MAP4K3: variants seen among roughly 807,000 people sequenced by gnomAD.
The protein encoded by MAP4K3 is MAPK/ERK kinase kinase kinase 3.
Under a neutral mutation model 143.5 loss-of-function variants are expected in MAP4K3, and 94 were observed. The observed-to-expected ratio is 0.65, with a 90% CI of 0.55 to 0.78. MAP4K3 has a LOEUF of 0.78. MAP4K3 is among the 30% of genes least tolerant of loss of function. The pLI is 0.00. For synonymous variants in MAP4K3, 416 were observed against 347.2 expected (o/e 1.20, Z -2.20); for missense variants, 1,077 against 1,068.1 (o/e 1.01, Z -0.12).
At chr2:39,373,459 T>A (rs1227818506) in intron 2 of MAP4K3, among the ~76,000 whole-genome samples, 1 of 151,918 alleles carries the variant, frequency 6.6e-6, no homozygotes, top group Non-Finnish European at 1.5e-5. Context: ...AGAAAGGAAA[T>A]GAGTATATCA....
chr2:39,342,057 T>C (rs1411995835), intron 4 of MAP4K3, among the ~76,000 whole-genome samples: 2 of 151,856 alleles, frequency 1.3e-5, no homozygotes, highest in African/African-American at 4.8e-5. Context: ...CACACCTTCA[T>C]GTTACTGTGC....
chr2:39,294,782 G>T (rs1164760782), intron 16 of MAP4K3, among the ~76,000 whole-genome samples: 1 of 152,086 alleles, frequency 6.6e-6, no homozygotes, highest in Non-Finnish European at 1.5e-5. Flanking sequence ...ATTACTATTG[G>T]CTAAATAACA....
At chr2:39,288,377 C>A in intron 19 of MAP4K3, 97 bp from the exon 20 acceptor site, 3 of 1,077,794 alleles carry the variant, frequency 2.8e-6, no homozygotes, top group Non-Finnish European at 4.1e-6. Flanking sequence ...ATTATTTCTA[C>A]TATACATTAG....
At chr2:39,314,700 T>C (rs1683055623) in intron 13 of MAP4K3, among the ~76,000 whole-genome samples, 2 of 152,218 alleles carry the variant, frequency 1.3e-5, no homozygotes, top group East Asian at 1.9e-4. Context: ...GTTGACAGTA[T>C]TGGATCCCAT....
At chr2:39,376,121 A>G (rs1258210241) in intron 2 of MAP4K3, among the ~76,000 whole-genome samples, 4 of 152,228 alleles carry the variant, frequency 2.6e-5, no homozygotes, top group Admixed American at 1.3e-4. Context: ...ACTTTAAGGA[A>G]GTGACAAACT....
At chr2:39,404,613 C>CT (rs1667042933) in intron 1 of MAP4K3, among the ~76,000 whole-genome samples, 1 of 129,912 alleles carries the variant, frequency 7.7e-6, no homozygotes, top group African/African-American at 2.9e-5. Flanking sequence ...TTTCTTCTTT[C>CT]TTTCTTTTTT....
At chr2:39,410,510 A>G (rs1036415698) in intron 1 of MAP4K3, among the ~76,000 whole-genome samples, 12 of 152,176 alleles carry the variant, frequency 7.9e-5, no homozygotes, top group African/African-American at 2.4e-4. Context: ...ACTGAAAACC[A>G]TTACAGTCAC....
intron 26 of MAP4K3, among the ~76,000 whole-genome samples, chr2:39,269,060 T>TA (rs1292715978): frequency 2.6e-5 from 4 of 152,056 alleles, no homozygotes; most frequent in Non-Finnish European, 4.4e-5. Flanking sequence ...CACTTAAACT[T>TA]AAATGTGTAA....
chr2:39,350,502 C>T (rs138411201), intron 3 of MAP4K3, among the ~76,000 whole-genome samples: 2 of 152,268 alleles, frequency 1.3e-5, no homozygotes, highest in Admixed American at 6.5e-5. Context: ...TATAAAGTGA[C>T]TTAACTGTAA....
At chr2:39,394,274 C>T (rs1054393088) in intron 1 of MAP4K3, among the ~76,000 whole-genome samples, 9 of 152,102 alleles carry the variant, frequency 5.9e-5, no homozygotes, top group African/African-American at 1.9e-4. Flanking sequence ...TTATAGTAAT[C>T]TTGGGAGAAA....
At chr2:39,403,332 G>A (rs1667002350) in intron 1 of MAP4K3, among the ~76,000 whole-genome samples, 1 of 152,132 alleles carries the variant, frequency 6.6e-6, no homozygotes, top group Non-Finnish European at 1.5e-5. Context: ...ATCACTGAAA[G>A]AGGCACTGAA....
chr2:39,358,661 C>T (rs769187503), intron 2 of MAP4K3, among the ~76,000 whole-genome samples: 2 of 152,078 alleles, frequency 1.3e-5, no homozygotes, highest in Non-Finnish European at 2.9e-5. Flanking sequence ...AAAAATTCCA[C>T]ATACTCGATT....
chr2:39,357,273 T>G (rs1325530264), intron 2 of MAP4K3, among the ~76,000 whole-genome samples: 2 of 152,248 alleles, frequency 1.3e-5, no homozygotes, highest in Non-Finnish European at 2.9e-5. Flanking sequence ...CAAATGGAAG[T>G]GCTTACTCTG....
chr2:39,297,516 C>T (rs1414289116), intron 16 of MAP4K3, among the ~76,000 whole-genome samples: 1 of 152,044 alleles, frequency 6.6e-6, no homozygotes, highest in Non-Finnish European at 1.5e-5. Context: ...AGGAGACAAG[C>T]AAGTATAAGT....
chr2:39,264,542 A>C (rs1680693788), intron 28 of MAP4K3, among the ~76,000 whole-genome samples: 1 of 152,170 alleles, frequency 6.6e-6, no homozygotes. Context: ...TCTAATTTCT[A>C]CTGAGATCAA....
intron 20 of MAP4K3, 61 bp downstream of exon 20, chr2:39,288,060 T>A (rs1681874520): frequency 6.3e-7 from 1 of 1,580,288 alleles, no homozygotes; most frequent in Admixed American, 1.8e-5. Flanking sequence ...AAAAGAAAGT[T>A]TTTTTTCTCC....
At chr2:39,319,531 C>T (rs2148509321) in intron 12 of MAP4K3, among the ~76,000 whole-genome samples, 1 of 152,212 alleles carries the variant, frequency 6.6e-6, no homozygotes, top group Non-Finnish European at 1.5e-5. Context: ...ACCAATCCCC[C>T]TTGTGTACGT....
intron 1 of MAP4K3, among the ~76,000 whole-genome samples, chr2:39,410,664 G>C (rs957081175): frequency 6.6e-6 from 1 of 152,096 alleles, no homozygotes; most frequent in Admixed American, 6.5e-5. Flanking sequence ...TTTTAAAAAG[G>C]TCTTTGCATG....
intron 1 of MAP4K3, among the ~76,000 whole-genome samples, chr2:39,420,028 G>A (rs1667503082): frequency 6.6e-6 from 1 of 152,166 alleles, no homozygotes; most frequent in African/African-American, 2.4e-5. Flanking sequence ...TCTTTCCACT[G>A]TGTCACCTCC....
Sources: gnomAD v4.1 joint callset for allele counts (sites outside exome capture counted in the v4.1 genomes callset) on GRCh38, gnomAD v4.1.1 for gene constraint, MANE v1.5 for transcripts, NCBI Gene and HGNC (gene_info 2026-07-23, HGNC 2026-07-21) for gene names.